GRIK1: variants seen among roughly 807,000 people sequenced by gnomAD.
GRIK1 encodes the protein glutamate ionotropic receptor kainate type subunit 1, also known as glutamate receptor ionotropic, kainate 1.
In GRIK1, 69 loss-of-function variants were observed where a neutral mutation model predicts 105.7. The observed-to-expected ratio is 0.65, with a 90% confidence interval of 0.54 to 0.80. The LOEUF (loss-of-function observed/expected upper bound fraction) is 0.80, where lower values mean the gene tolerates loss of function less well. Among genes scored for constraint, GRIK1 ranks in the 30% least tolerant of loss-of-function variants. The probability of loss-of-function intolerance (pLI) is 0.00; values close to 1 mark genes in which losing one functional copy is unlikely to be tolerated. For synonymous variants in GRIK1, 438 were observed against 431.3 expected, an observed-to-expected ratio of 1.02 and a Z score of -0.19; for missense variants, 1,109 against 1,167.3, an observed-to-expected ratio of 0.95 and a Z score of 0.73.
At chr21:29,602,967 C>T (rs1484765523) in intron 7 of GRIK1, among the ~76,000 whole-genome samples, 1 of 152,042 alleles carries the variant, frequency 6.6e-6, no homozygotes, top group Non-Finnish European at 1.5e-5. Flanking sequence ...TCTCATAGAA[C>T]AAAATGTATA....
At position 29,681,148 on chromosome 21, in the gene GRIK1, G is replaced by GA. The variant is rs2063366961; in HGVS notation, c.545-7985dup. ...ACTCCGTCTCAAAAATAAAGTAAAA[G>GA]AAAAAAGTAAACATAGTACATATAG... On this transcript the variant is annotated intron_variant, in intron 3 of 17. Coordinates refer to ENST00000327783, the MANE Select transcript of GRIK1 (RefSeq NM_001330994.2). 5.9e-5 allele frequency among the ~76,000 whole-genome samples: 9 copies of GA among 152,120 alleles called. No individual in the cohort carries two copies. The South Asian group carries it at 1.9e-3, about 32-fold the overall frequency.
At position 29,587,964 on chromosome 21, in the gene GRIK1, C is replaced by CTTTTTTTTTTTTTTTTTTTTT. The variant is rs568648777; in HGVS notation, c.1570-396_1570-376dup. 2.8e-4 allele frequency among the ~76,000 whole-genome samples: 18 copies of CTTTTTTTTTTTTTTTTTTTTT among 65,410 alleles called. 4 individuals are homozygous for CTTTTTTTTTTTTTTTTTTTTT. The highest frequency in any genetic ancestry group is 7.2e-4 in the South Asian group (1 of 1,386). 42.9% of individuals were successfully genotyped at this position (65,410 alleles called of 152,430 possible). On this transcript the variant is annotated intron_variant, in intron 11 of 17. Coordinates refer to ENST00000327783, the MANE Select transcript of GRIK1 (RefSeq NM_001330994.2). ...GCTCTGAGCTGAAAACTTTAAAATT[C>CTTTTTTTTTTTTTTTTTTTTT]TTTTTTTTTTTTTTTTTTTTTTTTT...
chr21:29,810,815 G>T (rs192833083), intron 1 of GRIK1, among the ~76,000 whole-genome samples: 1 of 152,126 alleles, frequency 6.6e-6, no homozygotes, highest in African/African-American at 2.4e-5. Context: ...TGTTCATCAA[G>T]CATCTATTTT....
rs779482410 is a variant in GRIK1, at chr21:29,713,332, T to A, written c.119-19269A>T. On this transcript the variant is annotated intron_variant, in intron 1 of 17. Coordinates refer to ENST00000327783, the MANE Select transcript of GRIK1 (RefSeq NM_001330994.2). Reference sequence around the variant, plus strand: ...TCTATTTAGTTTAAACTAATTTGATTTGGATTTTTGTTAAATACAACCATA... The same window carrying A: ...TCTATTTAGTTTAAACTAATTTGATATGGATTTTTGTTAAATACAACCATA... 6.6e-5 allele frequency among the ~76,000 whole-genome samples: 10 copies of A among 152,302 alleles called. No homozygotes were observed. In the Middle Eastern group the frequency reaches 0.01, roughly 155 times the overall value.
intron 1 of GRIK1, among the ~76,000 whole-genome samples, chr21:29,852,408 A>T (rs1225954756): frequency 6.6e-6 from 1 of 152,140 alleles, no homozygotes; most frequent in East Asian, 1.9e-4. Flanking sequence ...CAAAATTCAG[A>T]CTAAAATCTA....
chr21:29,818,874 T>C (rs2067225193), intron 1 of GRIK1, among the ~76,000 whole-genome samples: 1 of 152,056 alleles, frequency 6.6e-6, no homozygotes, highest in African/African-American at 2.4e-5. Context: ...CTAAGAAAAC[T>C]GACCTATGAA....
At chr21:29,787,586 A>G (rs1365794603) in intron 1 of GRIK1, among the ~76,000 whole-genome samples, 3 of 152,254 alleles carry the variant, frequency 2.0e-5, no homozygotes, top group African/African-American at 7.2e-5. Context: ...AATCCAGTCT[A>G]TTTAGATTTC....
intron 1 of GRIK1, among the ~76,000 whole-genome samples, chr21:29,891,313 A>G (rs1309572450): frequency 6.6e-6 from 1 of 152,198 alleles, no homozygotes; most frequent in Non-Finnish European, 1.5e-5. Context: ...AATATCATAC[A>G]TAAAATATTT....
intron 4 of GRIK1, among the ~76,000 whole-genome samples, chr21:29,664,583 G>C (rs2063024792): frequency 6.6e-6 from 1 of 151,546 alleles, no homozygotes; most frequent in Non-Finnish European, 1.5e-5. Context: ...TTTCACCCTA[G>C]AAGATTCTTT....
chr21:29,668,936 AG>A lies in GRIK1; in HGVS notation c.726+4046del, dbSNP rs201931517. ...TAAGGAGAGAGCAGCATCTTTTCAA[AG>A]CATCAGGACCCTGCTGCGAGGTGGT... On this transcript the variant is annotated intron_variant, in intron 4 of 17. Transcript: ENST00000327783. Among the ~76,000 whole-genome samples, 190 of 152,294 alleles carry A rather than the reference AG, an allele frequency of 1.2e-3. 1 individual carries two copies. In the East Asian group the frequency reaches 0.033, roughly 26 times the overall value.
At chr21:29,605,298 T>C (rs543632514) in intron 7 of GRIK1, among the ~76,000 whole-genome samples, 9 of 152,322 alleles carry the variant, frequency 5.9e-5, no homozygotes, top group African/African-American at 1.9e-4. Flanking sequence ...CTCCCACTTA[T>C]AAGTGAGCAC....
At chr21:29,805,638 A>T (rs777328547) in intron 1 of GRIK1, among the ~76,000 whole-genome samples, 5 of 152,134 alleles carry the variant, frequency 3.3e-5, no homozygotes, top group Non-Finnish European at 5.9e-5. Context: ...TCACCAACAC[A>T]CATATTTGCT....
At chr21:29,782,180 G>A (rs1228958886) in intron 1 of GRIK1, among the ~76,000 whole-genome samples, 3 of 150,076 alleles carry the variant, frequency 2.0e-5, no homozygotes, top group East Asian at 2.0e-4. Context: ...TCTGCCTCCC[G>A]GGTTCACGCC....
chr21:29,735,871 A>T (rs1164605896), intron 1 of GRIK1, among the ~76,000 whole-genome samples: 1 of 152,120 alleles, frequency 6.6e-6, no homozygotes, highest in East Asian at 1.9e-4. Context: ...AAAAAATTGA[A>T]AACATATTTG....
chr21:29,646,850 CTT>C (rs544696996), intron 6 of GRIK1, among the ~76,000 whole-genome samples: 9 of 144,070 alleles, frequency 6.2e-5, no homozygotes, highest in Admixed American at 7.0e-5. Flanking sequence ...TCTTTCTTTC[CTT>C]TTTTTTTTTT....
At chr21:29,657,014 C>T (rs2062867592) in intron 4 of GRIK1, among the ~76,000 whole-genome samples, 1 of 152,030 alleles carries the variant, frequency 6.6e-6, no homozygotes, top group Admixed American at 6.6e-5. Context: ...CCATCAATAA[C>T]ATTTAAGGCC....
intron 1 of GRIK1, among the ~76,000 whole-genome samples, chr21:29,762,405 T>C (rs1171456121): frequency 6.6e-6 from 1 of 152,208 alleles, no homozygotes; most frequent in African/African-American, 2.4e-5. Context: ...AAACACTAGG[T>C]TCACTGTCTC....
At chr21:29,887,576 G>A (rs75187018) in intron 1 of GRIK1, among the ~76,000 whole-genome samples, 4,279 of 152,176 alleles carry the variant, frequency 0.028, 103 homozygotes, top group Middle Eastern at 0.14. Context: ...TAACCACCAG[G>A]TGTCTTGTAC....
rs138818081 is a variant in GRIK1, at chr21:29,587,944, G to C, written c.1570-355C>G. 1.8e-3 allele frequency among the ~76,000 whole-genome samples: 251 copies of C among 137,018 alleles called. 1 individual carries two copies. The highest frequency in any genetic ancestry group is 6.4e-3 in the African/African-American group (232 of 36,280). The allele number at this position is 137,018 out of a possible 152,430, so 89.9% of individuals were successfully genotyped here. ...AATTGACATGATGAGATTTTGCTCT[G>C]AGCTGAAAACTTTAAAATTCTTTTT... is the stretch of plus-strand genomic sequence containing the variant. On this transcript the variant is annotated intron_variant, in intron 11 of 17. Transcript: ENST00000327783.
Sources: allele counts gnomAD v4.1 joint callset (sites outside exome capture counted in the v4.1 genomes callset), GRCh38; gene constraint gnomAD v4.1.1; transcripts MANE v1.5; gene names NCBI Gene and HGNC (gene_info 2026-07-23, HGNC 2026-07-21).